Variants in LMO3 observed in about 807,000 individuals in gnomAD.
LMO3 encodes LIM domain only protein 3.
Under a neutral mutation model 15.8 loss-of-function variants are expected in LMO3, and 2 were observed. The observed-to-expected ratio is 0.13, with a 90% CI of 0.05 to 0.40. The LOEUF is 0.40. LMO3 is among the 10% of genes least tolerant of loss of function. The pLI is 0.99. For synonymous variants in LMO3, 62 were observed against 63.8 expected, an observed-to-expected ratio of 0.97 and a Z score of 0.13; for missense variants, 86 against 182.2, an observed-to-expected ratio of 0.47 and a Z score of 3.04.
intron 2 of LMO3, among the ~76,000 whole-genome samples, chr12:16,565,085 G>A (rs1009648483): frequency 2.0e-5 from 3 of 151,992 alleles, no homozygotes; most frequent in Non-Finnish European, 2.9e-5. Context: ...CACTATGCCC[G>A]GTCTAGTATT....
intron 2 of LMO3, among the ~76,000 whole-genome samples, chr12:16,571,085 T>G (rs1184203770): frequency 1.3e-5 from 2 of 152,130 alleles, no homozygotes; most frequent in Non-Finnish European, 2.9e-5. Flanking sequence ...TGAAATTTTA[T>G]TTAATATTTT....
At chr12:16,572,777 A>G (rs1316818029) in intron 2 of LMO3, among the ~76,000 whole-genome samples, 1 of 150,576 alleles carries the variant, frequency 6.6e-6, no homozygotes, top group African/African-American at 2.4e-5. Context: ...TTTGTAAAAA[A>G]CAGAGACCAA....
At chr12:16,551,640 C>T (rs1249065726) in intron 3 of LMO3, among the ~76,000 whole-genome samples, 1 of 149,932 alleles carries the variant, frequency 6.7e-6, no homozygotes, top group Admixed American at 6.7e-5. Context: ...ATAAAAAGAA[C>T]TGATCTGTAT....
intron 2 of LMO3, among the ~76,000 whole-genome samples, chr12:16,575,118 G>A (rs1164085373): frequency 6.6e-6 from 1 of 152,134 alleles, no homozygotes; most frequent in Non-Finnish European, 1.5e-5. Context: ...ACCTGGTACT[G>A]ACTTCCAAGT....
rs1287584295 is a variant in LMO3, at chr12:16,576,871, T to C, written c.207-16333A>G. 6.6e-6 allele frequency among the ~76,000 whole-genome samples: 1 copy of C among 152,184 alleles called. No homozygotes were observed. The highest frequency in any genetic ancestry group is 1.5e-5 in the Non-Finnish European group (1 of 68,038). ...AGGTGGAAGTCAAAAATAAATTACT[T>C]AAAAGCTGTTACAAAGAAATGATTA... On this transcript the variant is annotated intron_variant, in intron 2 of 3. Coordinates refer to ENST00000537304, the MANE Select transcript of LMO3 (RefSeq NM_018640.5). This position sits in a 1 kb window ranked among gnomAD's most constrained non-coding sequence, Gnocchi z 4.1.
intron 2 of LMO3, among the ~76,000 whole-genome samples, chr12:16,563,050 G>A (rs952601173): frequency 2.6e-5 from 4 of 152,038 alleles, no homozygotes; most frequent in African/African-American, 9.7e-5. Context: ...CTTCTTCCAC[G>A]CACTTTCCCT....
chr12:16,563,885 T>C (rs1364061144), intron 2 of LMO3, among the ~76,000 whole-genome samples: 4 of 152,368 alleles, frequency 2.6e-5, no homozygotes, highest in East Asian at 3.9e-4. Context: ...AGATGTCTTA[T>C]AGATTATTAA....
rs1416190452 is a variant in LMO3, at chr12:16,603,839, A to T, written c.-9+2227T>A. 6.6e-6 allele frequency among the ~76,000 whole-genome samples: 1 copy of T among 151,978 alleles called. No individual in the cohort carries two copies. Among genetic ancestry groups the T allele is most frequent in the Admixed American group, 6.6e-5 (1 of 15,244 alleles). On this transcript the variant is annotated intron_variant, in intron 1 of 3. Coordinates refer to ENST00000537304, the MANE Select transcript of LMO3 (RefSeq NM_018640.5). This position sits in a 1 kb window ranked among gnomAD's most constrained non-coding sequence, Gnocchi z 4.9. ...ACAACTCCACAACACACAGGGGTTT[A>T]AAAAAAATAATAATAATGAAAGATT... is the stretch of plus-strand genomic sequence containing the variant.
rs35993210 is a variant in LMO3 at position 16,600,291 on chromosome 12, C to CAAAAAAAAAAAAAAAAAA, written c.206+346_206+363dup. The CAAAAAAAAAAAAAAAAAA allele has an allele frequency of 3.5e-3, 243 of 69,662 alleles. 2 individuals carry two copies. The highest frequency in any genetic ancestry group is 5.7e-3 in the South Asian group (11 of 1,924). The allele number at this position is 69,662 out of a possible 1,614,324, so 4.3% of individuals were successfully genotyped here. A position where few individuals can be genotyped will look rare whatever the true frequency, so the allele number is the denominator to read the frequency against. ...TCAACCCCCATTCCCCCTTAAGCTCCAAAAAAAAAAAAAAAAAAAAAAAAG... is the reference window on the plus strand; with the variant it reads ...TCAACCCCCATTCCCCCTTAAGCTCCAAAAAAAAAAAAAAAAAAAAAAAAAAAAAAAAAAAAAAAAAAG... On this transcript the variant is annotated intron_variant, in intron 2 of 3. Coordinates refer to ENST00000537304, the MANE Select transcript of LMO3 (RefSeq NM_018640.5).
chr12:16,604,742 TACA>T lies in LMO3; in HGVS notation c.-9+1321_-9+1323del, dbSNP rs1340362111. ...TTAAGCAGCAGTCTTTCAAAGCAGT[TACA>T]ACAATAATATTTCGGTTCTTTCAGA... On this transcript the variant is annotated intron_variant, in intron 1 of 3. Coordinates refer to ENST00000537304, the MANE Select transcript of LMO3 (RefSeq NM_018640.5). The surrounding 1 kb of genome is among the most constrained non-coding windows in gnomAD (Gnocchi z 5.3). 9.3e-7 allele frequency: 1 copy of T among 1,078,030 alleles called. No homozygotes were observed. The highest frequency in any genetic ancestry group is 1.4e-6 in the Non-Finnish European group (1 of 719,810). The allele number at this position is 1,078,030 out of a possible 1,614,324, so 66.8% of individuals were successfully genotyped here.
At chr12:16,608,057 C>T (rs901302833), upstream of LMO3, 7 of 152,570 alleles carry the variant, frequency 4.6e-5, no homozygotes, top group Admixed American at 4.6e-4. The surrounding 1 kb of genome is among the most constrained non-coding windows in gnomAD (Gnocchi z 4.1). Flanking sequence ...CATACATGCA[C>T]TTCACCCATC....
At position 16,604,851 on chromosome 12, in the gene LMO3, G is replaced by C. The variant is rs757936991; in HGVS notation, c.-9+1215C>G. 12 of 1,598,390 alleles carry C rather than the reference G, an allele frequency of 7.5e-6. No homozygotes were observed. The highest frequency in any genetic ancestry group is 9.3e-6 in the Non-Finnish European group (11 of 1,179,732). On this transcript the variant is annotated intron_variant, in intron 1 of 3. Coordinates refer to ENST00000537304, the MANE Select transcript of LMO3 (RefSeq NM_018640.5). The surrounding 1 kb of genome is among the most constrained non-coding windows in gnomAD (Gnocchi z 5.3). ...GCGCCAGCAAAGTGCATCTATGATAGACTGTAACCTTACCAAAACTTTTCT... is the reference window on the plus strand; with the variant it reads ...GCGCCAGCAAAGTGCATCTATGATACACTGTAACCTTACCAAAACTTTTCT...
Position 16,582,877 on chromosome 12 carries a change from G to A in LMO3, c.206+17778C>T, listed in dbSNP as rs746592121. Among the ~76,000 whole-genome samples, 21 of 151,720 alleles carry A rather than the reference G, an allele frequency of 1.4e-4. No individual in the cohort carries two copies. The highest frequency in any genetic ancestry group is 2.8e-4 in the Non-Finnish European group (19 of 67,918). Reference sequence around the variant, plus strand: ...AGCCTGGCCAACATGGCGAAACCCCGTCTCTACTAAAATAAAAAAATTAGC... The same window carrying A: ...AGCCTGGCCAACATGGCGAAACCCCATCTCTACTAAAATAAAAAAATTAGC... On this transcript the variant is annotated intron_variant, in intron 2 of 3. Coordinates refer to ENST00000537304, the MANE Select transcript of LMO3 (RefSeq NM_018640.5). The surrounding 1 kb of genome is among the most constrained non-coding windows in gnomAD (Gnocchi z 4.1).
Position 16,559,583 on chromosome 12 carries a change from T to C in LMO3, c.332+830A>G, listed in dbSNP as rs910571715. Among the ~76,000 whole-genome samples, 1 of 152,200 alleles carries C rather than the reference T, an allele frequency of 6.6e-6. No homozygotes were observed. The highest frequency in any genetic ancestry group is 1.5e-5 in the Non-Finnish European group (1 of 68,034). ...ATAATAATTGTTTAATTATTAGCTA[T>C]ATCTGGACTGATTCTCAAAGATATT... On this transcript the variant is annotated intron_variant, in intron 3 of 3. Transcript: ENST00000537304. This position sits in a 1 kb window ranked among gnomAD's most constrained non-coding sequence, Gnocchi z 4.1.
In LMO3 at chr12:16,604,134, T is replaced by C. The variant is rs558605235; in HGVS notation, c.-9+1932A>G. Among the ~76,000 whole-genome samples, 1 of 152,298 alleles carries C rather than the reference T, an allele frequency of 6.6e-6. No individual in the cohort carries two copies. The highest frequency in any genetic ancestry group is 2.1e-4 in the South Asian group (1 of 4,826). ...GAGGCACCAGACAAAAGATTTTCTC[T>C]CCTCCTGCCCATCTTCATCCTCTTC... is the stretch of plus-strand genomic sequence containing the variant. On this transcript the variant is annotated intron_variant, in intron 1 of 3. Transcript: ENST00000537304. The surrounding 1 kb of genome is among the most constrained non-coding windows in gnomAD (Gnocchi z 5.3).
At chr12:16,568,613 G>A (rs1368428926) in intron 2 of LMO3, among the ~76,000 whole-genome samples, 6 of 152,292 alleles carry the variant, frequency 3.9e-5, no homozygotes, top group Admixed American at 3.9e-4. Flanking sequence ...AATATTTCAT[G>A]AATAATTTTT....
intron 2 of LMO3, among the ~76,000 whole-genome samples, chr12:16,565,966 G>A (rs1942582060): frequency 9.3e-6 from 1 of 107,018 alleles, no homozygotes; most frequent in Non-Finnish European, 1.8e-5. Context: ...ATGGATGAAT[G>A]GATGAAGAAA....
chr12:16,590,389 T>G (rs1943453519), intron 2 of LMO3, among the ~76,000 whole-genome samples: 1 of 152,072 alleles, frequency 6.6e-6, no homozygotes, highest in Non-Finnish European at 1.5e-5. Flanking sequence ...CTTCTCTAAG[T>G]GCTGGATTTA....
intron 3 of LMO3, among the ~76,000 whole-genome samples, chr12:16,556,432 A>G (rs902872773): frequency 3.3e-5 from 5 of 152,348 alleles, no homozygotes; most frequent in Middle Eastern, 3.4e-3. Flanking sequence ...ATAAGGGACA[A>G]TCAATCCTGA....
Sources: allele counts gnomAD v4.1 joint callset (sites outside exome capture counted in the v4.1 genomes callset), GRCh38; gene constraint gnomAD v4.1.1; non-coding constraint Gnocchi (gnomAD v3.1); transcripts MANE v1.5; gene names NCBI Gene and HGNC (gene_info 2026-07-23, HGNC 2026-07-21).